DCC: variants seen among roughly 807,000 people sequenced by gnomAD.
The protein encoded by DCC is DCC netrin 1 receptor.
DCC carries 58 observed loss-of-function variants against 172.5 expected under a neutral mutation model. The ratio of observed to expected loss-of-function variants is 0.34; its 90% CI spans 0.27 to 0.42. DCC has a LOEUF of 0.42. Among genes scored for constraint, DCC ranks in the 10% least tolerant of loss-of-function variants. The pLI is 1.00. For synonymous variants in DCC, 709 were observed against 644.5 expected, an observed-to-expected ratio of 1.10 and a Z score of -1.52; for missense variants, 1,740 against 1,791.0, an observed-to-expected ratio of 0.97 and a Z score of 0.51.
chr18:53,322,789 T>C (rs548075746), intron 14 of DCC, among the ~76,000 whole-genome samples: 2 of 151,764 alleles, frequency 1.3e-5, no homozygotes, highest in South Asian at 4.2e-4. Flanking sequence ...CATGACTAAA[T>C]TTTTAAAATA....
intron 1 of DCC, among the ~76,000 whole-genome samples, chr18:52,551,727 T>TACACACACAC (rs74178673): frequency 3.2e-5 from 4 of 126,346 alleles, no homozygotes; most frequent in Admixed American, 8.3e-5. Flanking sequence ...TACTCTCCTC[T>TACACACACAC]ACACACACAC....
chr18:53,428,323 TAA>T (rs1491338137), intron 21 of DCC, among the ~76,000 whole-genome samples: 2,402 of 23,884 alleles, frequency 0.1, 320 homozygotes, highest in African/African-American at 0.19. Context: ...ATATATAATA[TAA>T]TATAATATAT....
chr18:53,314,515 C>T (rs1464686000), intron 13 of DCC, among the ~76,000 whole-genome samples: 2 of 152,110 alleles, frequency 1.3e-5, no homozygotes, highest in Admixed American at 6.6e-5. Context: ...GAGTTATCTC[C>T]GTTGCTGAAT....
At chr18:53,036,025 G>T (rs2042087827) in intron 5 of DCC, among the ~76,000 whole-genome samples, 1 of 152,000 alleles carries the variant, frequency 6.6e-6, no homozygotes, top group Non-Finnish European at 1.5e-5. Flanking sequence ...CACTTGGTAA[G>T]AGGGAATACA....
chr18:52,811,192 C>T (rs560565490), intron 2 of DCC, among the ~76,000 whole-genome samples: 1 of 152,338 alleles, frequency 6.6e-6, no homozygotes, highest in East Asian at 1.9e-4. Flanking sequence ...CAGGTACATG[C>T]AAACTGGCAA....
intron 2 of DCC, among the ~76,000 whole-genome samples, chr18:52,883,442 T>C (rs992738840): frequency 3.3e-5 from 5 of 151,090 alleles, no homozygotes; most frequent in African/African-American, 9.8e-5. Context: ...TCTAGTGATA[T>C]ATTTTCTTTC....
At chr18:53,088,416 G>A (rs1397593894) in intron 7 of DCC, among the ~76,000 whole-genome samples, 2 of 152,106 alleles carry the variant, frequency 1.3e-5, no homozygotes, top group African/African-American at 2.4e-5. Flanking sequence ...TCTATTATTG[G>A]TGTATAAGAA....
intron 7 of DCC, among the ~76,000 whole-genome samples, chr18:53,082,046 G>A (rs116394432): frequency 0.011 from 1,693 of 152,152 alleles, 36 homozygotes; most frequent in African/African-American, 0.038. Context: ...TCTAAAATCT[G>A]TCCTTGTCAA....
At chr18:53,142,075 A>G (rs1447894479) in intron 7 of DCC, among the ~76,000 whole-genome samples, 1 of 152,214 alleles carries the variant, frequency 6.6e-6, no homozygotes, top group Non-Finnish European at 1.5e-5. Context: ...CCACCCTGCC[A>G]CCTTTAATTT....
At chr18:53,043,640 A>G (rs1568265467) in intron 5 of DCC, among the ~76,000 whole-genome samples, 2 of 151,816 alleles carry the variant, frequency 1.3e-5, no homozygotes, top group African/African-American at 2.4e-5. Flanking sequence ...TTGCCAAAGG[A>G]GAGTTTTGGA....
chr18:52,394,681 C>T (rs1986153137), intron 1 of DCC, among the ~76,000 whole-genome samples: 1 of 152,040 alleles, frequency 6.6e-6, no homozygotes, highest in South Asian at 2.1e-4. Context: ...TTTCCTGCAG[C>T]TTCCAGAGCC....
chr18:52,774,043 G>T (rs1423625496), intron 2 of DCC, among the ~76,000 whole-genome samples: 1 of 152,218 alleles, frequency 6.6e-6, no homozygotes, highest in Non-Finnish European at 1.5e-5. Flanking sequence ...AAACCACTCT[G>T]TAACAGGGGC....
At chr18:53,227,171 T>A (rs374781393) in intron 12 of DCC, among the ~76,000 whole-genome samples, 3 of 151,506 alleles carry the variant, frequency 2.0e-5, no homozygotes, top group African/African-American at 7.3e-5. Context: ...AAGGTCTCAA[T>A]CTACTGACCT....
intron 5 of DCC, among the ~76,000 whole-genome samples, chr18:52,967,637 T>G (rs1178885260): frequency 2.0e-5 from 3 of 152,224 alleles, no homozygotes; most frequent in African/African-American, 7.2e-5. Context: ...CTATACTTTC[T>G]TCTAGATTTA....
intron 1 of DCC, among the ~76,000 whole-genome samples, chr18:52,484,049 A>T (rs1448481324): frequency 1.3e-5 from 2 of 152,028 alleles, no homozygotes; most frequent in African/African-American, 4.8e-5. Flanking sequence ...AATAATATTG[A>T]TTTAAATTTT....
chr18:52,678,223 C>G (rs535572990), intron 1 of DCC, among the ~76,000 whole-genome samples: 4 of 152,064 alleles, frequency 2.6e-5, no homozygotes, highest in African/African-American at 9.7e-5. Flanking sequence ...GCAAGGTTAA[C>G]GTTAAGAAAC....
intron 2 of DCC, among the ~76,000 whole-genome samples, chr18:52,901,983 A>C (rs944765598): frequency 6.6e-6 from 1 of 152,200 alleles, no homozygotes; most frequent in Non-Finnish European, 1.5e-5. Context: ...AGTAAGTACG[A>C]CTAGGAAAAA....
intron 2 of DCC, among the ~76,000 whole-genome samples, chr18:52,817,796 T>C (rs2038329107): frequency 6.7e-6 from 1 of 149,604 alleles, no homozygotes; most frequent in African/African-American, 2.5e-5. Flanking sequence ...AATGTTTATA[T>C]ATATATATGT....
intron 2 of DCC, among the ~76,000 whole-genome samples, chr18:52,788,108 A>C (rs1381412338): frequency 6.6e-6 from 1 of 152,194 alleles, no homozygotes; most frequent in East Asian, 1.9e-4. Context: ...TAATGTTTAC[A>C]CATTTTTGCA....
Sources: allele counts gnomAD v4.1 joint callset (sites outside exome capture counted in the v4.1 genomes callset), GRCh38; gene constraint gnomAD v4.1.1; transcripts MANE v1.5; gene names NCBI Gene and HGNC (gene_info 2026-07-23, HGNC 2026-07-21).